KIRREL3: variants seen among roughly 807,000 people sequenced by gnomAD.
KIRREL3 encodes kin of IRRE-like protein 3.
A neutral mutation model predicts 89.7 loss-of-function variants in KIRREL3; 36 were observed. The observed-to-expected ratio is 0.40, with a 90% CI of 0.31 to 0.53. KIRREL3 has a LOEUF of 0.53. Ranked by LOEUF, KIRREL3 falls within the 20% of genes least tolerant of loss-of-function variation. KIRREL3 has a pLI of 0.49. For missense variants in KIRREL3, 864 were observed against 1,056.6 expected, an observed-to-expected ratio of 0.82 and a Z score of 2.53; for synonymous variants, 445 against 441.4, an observed-to-expected ratio of 1.01 and a Z score of -0.10.
rs2134299081 is a variant in KIRREL3, at chr11:126,478,263, T to C, written c.434-4797A>G. 3.9e-5 allele frequency among the ~76,000 whole-genome samples: 6 copies of C among 152,352 alleles called. No homozygotes were observed. In the Middle Eastern group the frequency reaches 0.014, roughly 345 times the overall value. ...CAAGAGCCCTTCAGTGACTCTCCAC[T>C]ACCCACCCCTGCACTTTCTGGATCA... is the stretch of plus-strand genomic sequence containing the variant. On this transcript the variant is annotated intron_variant, in intron 4 of 16. Coordinates refer to ENST00000525144, the MANE Select transcript of KIRREL3 (RefSeq NM_032531.4).
rs1209695915 is a variant in KIRREL3, at chr11:126,817,243, A to G, written c.55+183212T>C. On this transcript the variant is annotated intron_variant, in intron 1 of 16. Transcript: ENST00000525144. This position sits in a 1 kb window ranked among gnomAD's most constrained non-coding sequence, Gnocchi z 5.7. ...ACAGCTCACCCTGTTGAGGATGTTT[A>G]CTTTTGCATCTGTCAACTGAAAAGG... is the stretch of plus-strand genomic sequence containing the variant. 6.6e-6 allele frequency among the ~76,000 whole-genome samples: 1 copy of G among 152,208 alleles called. No homozygotes were observed. The highest frequency in any genetic ancestry group is 1.9e-4 in the East Asian group (1 of 5,198).
chr11:126,698,894 A>AG (rs1308730694), intron 1 of KIRREL3, among the ~76,000 whole-genome samples: 2 of 152,200 alleles, frequency 1.3e-5, no homozygotes, highest in African/African-American at 4.8e-5. Flanking sequence ...TTCGTGCAGG[A>AG]GGTACAGAGC....
In KIRREL3 at chr11:126,555,982, T is replaced by A. The variant is rs1031760915; in HGVS notation, c.133+6853A>T. On this transcript the variant is annotated intron_variant, in intron 2 of 16. Transcript: ENST00000525144. The surrounding 1 kb of genome is among the most constrained non-coding windows in gnomAD (Gnocchi z 4.2). ...GTCTCAAACTCCTGACCTCAGGTGA[T>A]CCACCTGCCTTGGCCTTTCAAAGTG... Among the ~76,000 whole-genome samples, 4 of 152,200 alleles carry A rather than the reference T, an allele frequency of 2.6e-5. No individual in the cohort carries two copies. The highest frequency in any genetic ancestry group is 5.9e-5 in the Non-Finnish European group (4 of 68,036).
intron 1 of KIRREL3, among the ~76,000 whole-genome samples, chr11:126,660,338 G>A (rs923346986): frequency 2.6e-5 from 4 of 152,194 alleles, no homozygotes; most frequent in Admixed American, 6.5e-5. Context: ...AAACTGTAAT[G>A]CACATAAGAC....
intron 1 of KIRREL3, among the ~76,000 whole-genome samples, chr11:126,759,131 T>C (rs761222316): frequency 6.6e-6 from 1 of 152,138 alleles, no homozygotes; most frequent in Non-Finnish European, 1.5e-5. Context: ...GTATTTTTGT[T>C]GTATCGTTTG....
intron 1 of KIRREL3, among the ~76,000 whole-genome samples, chr11:126,765,058 A>T (rs897494839): frequency 3.3e-5 from 5 of 152,202 alleles, no homozygotes; most frequent in Non-Finnish European, 7.3e-5. Context: ...ATTCCTAGAG[A>T]TGGACAGGAG....
intron 1 of KIRREL3, among the ~76,000 whole-genome samples, chr11:126,632,457 T>C (rs1944070241): frequency 6.6e-6 from 1 of 152,234 alleles, no homozygotes; most frequent in Non-Finnish European, 1.5e-5. Context: ...AATTAAGTTA[T>C]GATCTCTAAA....
rs1950644913 is a variant in KIRREL3, at chr11:126,791,678, A to G, written c.55+208777T>C. ...ACAGGGTCCAGGGGCCCAGATTCCC[A>G]TGGCCAGGCCAGGTGTGAATGAGTC... On this transcript the variant is annotated intron_variant, in intron 1 of 16. Coordinates refer to ENST00000525144, the MANE Select transcript of KIRREL3 (RefSeq NM_032531.4). The surrounding 1 kb of genome is among the most constrained non-coding windows in gnomAD (Gnocchi z 4.8). Among the ~76,000 whole-genome samples the G allele has an allele frequency of 6.6e-6, 1 of 152,180 alleles. No individual in the cohort carries two copies. Among genetic ancestry groups the G allele is most frequent in the Admixed American group, 6.5e-5 (1 of 15,274 alleles).
At position 126,527,360 on chromosome 11, in the gene KIRREL3, C is replaced by A. The variant is rs575660774; in HGVS notation, c.134-673G>T. On this transcript the variant is annotated intron_variant, in intron 2 of 16. Transcript: ENST00000525144. This position sits in a 1 kb window ranked among gnomAD's most constrained non-coding sequence, Gnocchi z 4.2. The stretch of plus-strand genomic sequence containing the variant: ...CTTGGGAAAAAATCATTATGGACAC[C>A]ATGCCTCCTCAAAACGAGATGGCCA... 6.6e-6 allele frequency among the ~76,000 whole-genome samples: 1 copy of A among 152,132 alleles called. No individual in the cohort carries two copies. Among genetic ancestry groups the A allele is most frequent in the African/African-American group, 2.4e-5 (1 of 41,420 alleles).
rs1036964564 is a variant in KIRREL3 at position 126,621,501 on chromosome 11, A to G, written c.56-58589T>C. Among the ~76,000 whole-genome samples the G allele has an allele frequency of 3.3e-5, 5 of 152,242 alleles. No homozygotes were observed. The South Asian group carries it at 1.0e-3, about 31-fold the overall frequency. ...GTAAGTGATATCTTAAAAGCGTGTG[A>G]GAGGCTTAAAAAGTAGATCCATGTA... is the stretch of plus-strand genomic sequence containing the variant. On this transcript the variant is annotated intron_variant, in intron 1 of 16. Transcript: ENST00000525144.
rs901337516 is a variant in KIRREL3 at position 126,870,138 on chromosome 11, G to A, written c.55+130317C>T. ...CACTGTGATTAATGACCAGGAGTGA[G>A]TGTGGGCGAGTGTGGGGCACAGGGT... On this transcript the variant is annotated intron_variant, in intron 1 of 16. Transcript: ENST00000525144. The surrounding 1 kb of genome is among the most constrained non-coding windows in gnomAD (Gnocchi z 4.4). Among the ~76,000 whole-genome samples the A allele has an allele frequency of 1.3e-5, 2 of 152,320 alleles. No homozygotes were observed. The highest frequency in any genetic ancestry group is 4.8e-5 in the African/African-American group (2 of 41,572).
chr11:126,689,042 AAGAGAGAGAGAG>A lies in KIRREL3; in HGVS notation c.56-126142_56-126131del, dbSNP rs58257040. On this transcript the variant is annotated intron_variant, in intron 1 of 16. Transcript: ENST00000525144. The surrounding 1 kb of genome is among the most constrained non-coding windows in gnomAD (Gnocchi z 5.2). The stretch of plus-strand genomic sequence containing the variant: ...ATGTGTGTGTGTGTAAGGGGGAGAG[AAGAGAGAGAGAG>A]AGAGAGAGAGAGAGAGAGAGAGAGA... 5.8e-4 allele frequency among the ~76,000 whole-genome samples: 75 copies of A among 129,814 alleles called. 1 individual carries two copies. The highest frequency in any genetic ancestry group is 2.1e-3 in the African/African-American group (69 of 33,426). 85.2% of individuals were successfully genotyped at this position (129,814 alleles called of 152,430 possible).
chr11:126,526,930 G>A lies in KIRREL3; in HGVS notation c.134-243C>T, dbSNP rs1392082463. On this transcript the variant is annotated intron_variant, in intron 2 of 16. Coordinates refer to ENST00000525144, the MANE Select transcript of KIRREL3 (RefSeq NM_032531.4). The surrounding 1 kb of genome is among the most constrained non-coding windows in gnomAD (Gnocchi z 5.7). ...CCCATCAGTCCCTAACACATGGACTGGTCTAGCCACACCCCAGCTCCCTAT... is the reference window on the plus strand; with the variant it reads ...CCCATCAGTCCCTAACACATGGACTAGTCTAGCCACACCCCAGCTCCCTAT... Among the ~76,000 whole-genome samples the A allele has an allele frequency of 6.6e-6, 1 of 152,202 alleles. No homozygotes were observed. Among genetic ancestry groups the A allele is most frequent in the Non-Finnish European group, 1.5e-5 (1 of 68,038 alleles).
At position 126,892,767 on chromosome 11, in the gene KIRREL3, A is replaced by G. The variant is rs1291114902; in HGVS notation, c.55+107688T>C. Among the ~76,000 whole-genome samples, 2 of 152,182 alleles carry G rather than the reference A, an allele frequency of 1.3e-5. No individual in the cohort carries two copies. Among genetic ancestry groups the G allele is most frequent in the Non-Finnish European group, 2.9e-5 (2 of 68,042 alleles). On this transcript the variant is annotated intron_variant, in intron 1 of 16. Coordinates refer to ENST00000525144, the MANE Select transcript of KIRREL3 (RefSeq NM_032531.4). This position sits in a 1 kb window ranked among gnomAD's most constrained non-coding sequence, Gnocchi z 5.4. ...ACTATGGCCATGACAGCCTCCAGATAGGAGAAGGGTCTGGCTTCATTGACA... is the reference window on the plus strand; with the variant it reads ...ACTATGGCCATGACAGCCTCCAGATGGGAGAAGGGTCTGGCTTCATTGACA...
chr11:126,793,971 A>G (rs528446493), intron 1 of KIRREL3, among the ~76,000 whole-genome samples: 24 of 152,322 alleles, frequency 1.6e-4, no homozygotes, highest in African/African-American at 4.8e-4. Flanking sequence ...TGCATTTCTA[A>G]TGGTTGAATT....
intron 1 of KIRREL3, among the ~76,000 whole-genome samples, chr11:126,922,898 C>G (rs1947411651): frequency 6.6e-6 from 1 of 152,216 alleles, no homozygotes; most frequent in Non-Finnish European, 1.5e-5. Flanking sequence ...CTACCCTCTT[C>G]CCAGATGGTT....
intron 1 of KIRREL3, among the ~76,000 whole-genome samples, chr11:126,657,235 T>C (rs896061757): frequency 2.1e-3 from 237 of 115,290 alleles, no homozygotes; most frequent in Non-Finnish European, 2.9e-3. Flanking sequence ...AAATGAGAAT[T>C]CCAAATAAAT....
At chr11:126,517,062 C>T (rs1303944816) in intron 4 of KIRREL3, among the ~76,000 whole-genome samples, 1 of 149,960 alleles carries the variant, frequency 6.7e-6, no homozygotes, top group East Asian at 2.0e-4. Flanking sequence ...AGCCAGGCTC[C>T]ATCTCAAAAA....
At position 126,490,409 on chromosome 11, in the gene KIRREL3, T is replaced by C. The variant is rs1957480472; in HGVS notation, c.434-16943A>G. Among the ~76,000 whole-genome samples the C allele has an allele frequency of 6.6e-6, 1 of 151,976 alleles. No homozygotes were observed. Among genetic ancestry groups the C allele is most frequent in the Non-Finnish European group, 1.5e-5 (1 of 67,984 alleles). ...GAGCCAGGTTATTGGAAATAGACCATGTAGGCCTGTGTTCCACGGGTGCTC... is the reference window on the plus strand; with the variant it reads ...GAGCCAGGTTATTGGAAATAGACCACGTAGGCCTGTGTTCCACGGGTGCTC... On this transcript the variant is annotated intron_variant, in intron 4 of 16. Coordinates refer to ENST00000525144, the MANE Select transcript of KIRREL3 (RefSeq NM_032531.4). The surrounding 1 kb of genome is among the most constrained non-coding windows in gnomAD (Gnocchi z 4.2).
Sources: allele counts gnomAD v4.1 joint callset (sites outside exome capture counted in the v4.1 genomes callset), GRCh38; gene constraint gnomAD v4.1.1; non-coding constraint Gnocchi (gnomAD v3.1); transcripts MANE v1.5; gene names NCBI Gene and HGNC (gene_info 2026-07-23, HGNC 2026-07-21).